Variants in RBMS3 observed in about 807,000 individuals in gnomAD.
The protein encoded by RBMS3 is RNA-binding motif, single-stranded-interacting protein 3.
RBMS3 carries 27 observed loss-of-function variants against 66.8 expected under a neutral mutation model. The observed-to-expected ratio is 0.40, with a 90% CI of 0.30 to 0.56. RBMS3 has a LOEUF of 0.56. RBMS3 is among the 20% of genes least tolerant of loss of function. The pLI, the probability that RBMS3 is intolerant of heterozygous loss-of-function variation, is 0.40. For synonymous variants in RBMS3, 188 were observed against 183.0 expected, an observed-to-expected ratio of 1.03 and a Z score of -0.22; for missense variants, 513 against 549.5, an observed-to-expected ratio of 0.93 and a Z score of 0.66.
At chr3:29,966,650 G>C (rs1008671690) in intron 12 of RBMS3, among the ~76,000 whole-genome samples, 1 of 152,120 alleles carries the variant, frequency 6.6e-6, no homozygotes, top group African/African-American at 2.4e-5. Flanking sequence ...CGGACAGTTT[G>C]ACTTCTTCTT....
At chr3:29,611,541 TA>T (rs1167627483) in intron 4 of RBMS3, among the ~76,000 whole-genome samples, 1 of 151,812 alleles carries the variant, frequency 6.6e-6, no homozygotes, top group Non-Finnish European at 1.5e-5. Flanking sequence ...TACAAAGCAA[TA>T]AAAAGTCAAT....
At chr3:29,359,359 T>G (rs1209320833) in intron 1 of RBMS3, among the ~76,000 whole-genome samples, 2 of 152,112 alleles carry the variant, frequency 1.3e-5, no homozygotes, top group African/African-American at 2.4e-5. Flanking sequence ...TTATTGATTT[T>G]CGTATGTTGA....
At chr3:29,698,980 T>C (rs1443845687) in intron 4 of RBMS3, among the ~76,000 whole-genome samples, 1 of 152,150 alleles carries the variant, frequency 6.6e-6, no homozygotes, top group African/African-American at 2.4e-5. Context: ...ATGTAAACAT[T>C]TTCGACAAAT....
At chr3:29,734,896 T>C (rs1350822510) in intron 4 of RBMS3, among the ~76,000 whole-genome samples, 1 of 152,112 alleles carries the variant, frequency 6.6e-6, no homozygotes, top group East Asian at 1.9e-4. Context: ...TATTGATCCA[T>C]GGCATATTGG....
intron 6 of RBMS3, among the ~76,000 whole-genome samples, chr3:29,782,813 T>A (rs1230441711): frequency 1.3e-5 from 2 of 152,090 alleles, no homozygotes; most frequent in Non-Finnish European, 2.9e-5. Context: ...AATTCTTCAG[T>A]GACACAGACA....
intron 3 of RBMS3, among the ~76,000 whole-genome samples, chr3:29,493,150 T>C (rs2043613940): frequency 6.6e-6 from 1 of 152,220 alleles, no homozygotes; most frequent in African/African-American, 2.4e-5. Flanking sequence ...ACAACTGTTA[T>C]GTAGCTGTTA....
intron 2 of RBMS3, among the ~76,000 whole-genome samples, chr3:29,436,000 G>A (rs2041390074): frequency 6.7e-6 from 1 of 150,224 alleles, no homozygotes; most frequent in Admixed American, 6.6e-5. Flanking sequence ...ACGAATCGTA[G>A]ACCTGTATTT....
intron 1 of RBMS3, among the ~76,000 whole-genome samples, chr3:29,343,255 C>T (rs960915152): frequency 2.6e-5 from 4 of 151,614 alleles, no homozygotes; most frequent in Admixed American, 1.3e-4. Flanking sequence ...TAAATAATGC[C>T]GTTTGGGGAG....
intron 4 of RBMS3, among the ~76,000 whole-genome samples, chr3:29,669,412 A>C (rs2050899854): frequency 6.6e-6 from 1 of 152,326 alleles, no homozygotes; most frequent in South Asian, 2.1e-4. Flanking sequence ...GACAATACTG[A>C]GTCACAGAAA....
At chr3:29,433,246 T>C (rs1459610068) in intron 1 of RBMS3, among the ~76,000 whole-genome samples, 1 of 152,158 alleles carries the variant, frequency 6.6e-6, no homozygotes, top group African/African-American at 2.4e-5. Context: ...TACTTGCTAA[T>C]GTGCCAAAAA....
At chr3:29,836,886 A>C (rs962387372) in intron 6 of RBMS3, among the ~76,000 whole-genome samples, 1 of 151,626 alleles carries the variant, frequency 6.6e-6, no homozygotes. Context: ...TGGGGAGAAA[A>C]CCTCTAATGT....
intron 4 of RBMS3, among the ~76,000 whole-genome samples, chr3:29,670,803 T>C (rs1559554077): frequency 6.6e-6 from 1 of 152,086 alleles, no homozygotes; most frequent in Non-Finnish European, 1.5e-5. Flanking sequence ...CTGCCTGCCT[T>C]TGTAGACTCC....
At chr3:29,807,093 T>C (rs777968713) in intron 6 of RBMS3, among the ~76,000 whole-genome samples, 3 of 151,870 alleles carry the variant, frequency 2.0e-5, no homozygotes, top group Non-Finnish European at 4.4e-5. Flanking sequence ...AGGAAATCTT[T>C]TAGAAATAGA....
intron 3 of RBMS3, among the ~76,000 whole-genome samples, chr3:29,536,914 T>C (rs967492066): frequency 6.6e-6 from 1 of 152,186 alleles, no homozygotes; most frequent in Non-Finnish European, 1.5e-5. Context: ...CAGAGGTGCG[T>C]TTTAGAATGG....
At chr3:29,941,944 A>C (rs534438150) in intron 11 of RBMS3, among the ~76,000 whole-genome samples, 10 of 151,976 alleles carry the variant, frequency 6.6e-5, no homozygotes, top group African/African-American at 2.4e-4. Flanking sequence ...AATTTGTATA[A>C]GTACCAGTTG....
chr3:29,681,525 C>G (rs2051496721), intron 4 of RBMS3, among the ~76,000 whole-genome samples: 1 of 151,154 alleles, frequency 6.6e-6, no homozygotes, highest in African/African-American at 2.4e-5. Context: ...CCAGACAGGC[C>G]CCAGTGTGTA....
rs1286103720 is a variant in RBMS3 at position 29,824,002 on chromosome 3, G to T, written c.638-44856G>T. 2.0e-5 allele frequency among the ~76,000 whole-genome samples: 3 copies of T among 152,044 alleles called. No homozygotes were observed. In the South Asian group the frequency reaches 6.2e-4, roughly 32 times the overall value. ...ATACTTGACATTTTCTATTTAAAAA[G>T]GAAATTTAGCCATTAATGGCTTTAC... On this transcript the variant is annotated intron_variant, in intron 6 of 14. Transcript: ENST00000383767.
intron 4 of RBMS3, among the ~76,000 whole-genome samples, chr3:29,707,486 C>T (rs1221409692): frequency 6.6e-6 from 1 of 152,118 alleles, no homozygotes; most frequent in Non-Finnish European, 1.5e-5. Flanking sequence ...CATGATTTTT[C>T]TTAAGTGTAG....
chr3:29,367,776 A>G (rs1432887369), intron 1 of RBMS3, among the ~76,000 whole-genome samples: 2 of 152,208 alleles, frequency 1.3e-5, no homozygotes, highest in Admixed American at 6.6e-5. Flanking sequence ...ATGCTTAATC[A>G]AATATTTTGA....
Sources: allele counts gnomAD v4.1 joint callset (sites outside exome capture counted in the v4.1 genomes callset), GRCh38; gene constraint gnomAD v4.1.1; transcripts MANE v1.5; gene names NCBI Gene and HGNC (gene_info 2026-07-23, HGNC 2026-07-21).